Variants in UGGT1 observed in about 807,000 individuals in gnomAD.
UGGT1 encodes UDP-glucose:glycoprotein glucosyltransferase 1.
In UGGT1, 107 loss-of-function variants were observed where a neutral mutation model predicts 203.9. The ratio of observed to expected loss-of-function variants is 0.52; its 90% confidence interval spans 0.45 to 0.62. The LOEUF (loss-of-function observed/expected upper bound fraction) is 0.62, where lower values mean the gene tolerates loss of function less well. Ranked by LOEUF, UGGT1 falls within the 20% of genes least tolerant of loss-of-function variation. The pLI, the probability that UGGT1 is intolerant of heterozygous loss-of-function variation, is 0.00. For synonymous variants in UGGT1, 628 were observed against 653.5 expected, an observed-to-expected ratio of 0.96 and a Z score of 0.59; for missense variants, 1,673 against 1,867.2, an observed-to-expected ratio of 0.90 and a Z score of 1.92.
chr2:128,113,405 T>A, intron 6 of UGGT1, 147 bp downstream of exon 6: 1 of 646,664 alleles, frequency 1.5e-6, no homozygotes, highest in Non-Finnish European at 2.4e-6. Context: ...TTGAGTCTAT[T>A]ATTTGCACAT....
At chr2:128,104,782 G>A (rs1400087104) in intron 3 of UGGT1, among the ~76,000 whole-genome samples, 1 of 152,140 alleles carries the variant, frequency 6.6e-6, no homozygotes, top group African/African-American at 2.4e-5. Context: ...AAGTAGCTGG[G>A]ATTACAGGCA....
chr2:128,189,806 T>C lies in UGGT1; in HGVS notation c.*64T>C. 4 of 1,585,592 alleles carry C rather than the reference T, an allele frequency of 2.5e-6. No individual in the cohort carries two copies. The highest frequency in any genetic ancestry group is 3.5e-6 in the Non-Finnish European group (4 of 1,159,004). On this transcript the variant is annotated 3_prime_UTR_variant, in exon 41 of 41. Transcript: ENST00000259253. ...CAGTTTTTATAATAAATGCTAGTTT[T>C]TTCTGATCTGTCTATACAACTGCTG...
At chr2:128,171,466 T>C in intron 28 of UGGT1, 182 bp downstream of exon 28, 1 of 598,276 alleles carries the variant, frequency 1.7e-6, no homozygotes, top group Non-Finnish European at 2.9e-6. Flanking sequence ...AGTGTGTTTG[T>C]AGCATTTAGG....
chr2:128,193,174 TCAAAAAAAAAAA>T lies in UGGT1; in HGVS notation c.*3433_*3444del, dbSNP rs1692352912. Reference sequence around the variant, plus strand: ...CCTGGCAATAGAGCGAGACTCCGTCTCAAAAAAAAAAAAAAAAAAAAAAAAAAAATTAAAACA... The same window carrying T: ...CCTGGCAATAGAGCGAGACTCCGTCTAAAAAAAAAAAAAAAAATTAAAACA... On this transcript the variant is annotated 3_prime_UTR_variant, in exon 41 of 41. Transcript: ENST00000259253. 1 of 28,072 alleles carries T rather than the reference TCAAAAAAAAAAA, an allele frequency of 3.6e-5. No homozygotes were observed. The highest frequency in any genetic ancestry group is 1.2e-3 in the East Asian group (1 of 864). 1.7% of individuals were successfully genotyped at this position (28,072 alleles called of 1,614,324 possible).
At chr2:128,151,799 A>T (rs960862597) in intron 18 of UGGT1, among the ~76,000 whole-genome samples, 2 of 152,136 alleles carry the variant, frequency 1.3e-5, no homozygotes, top group Non-Finnish European at 2.9e-5. Flanking sequence ...TGAGCCCTGG[A>T]GGTCAAGGCT....
chr2:128,179,663 T>C (rs1187041600), intron 34 of UGGT1, 123 bp from the exon 35 acceptor site: 2 of 738,780 alleles, frequency 2.7e-6, no homozygotes, highest in Non-Finnish European at 4.4e-6. Context: ...TCCCTCGGCC[T>C]AATTGAGCCA....
chr2:128,165,332 G>T (rs1690734328), intron 26 of UGGT1, among the ~76,000 whole-genome samples: 1 of 152,184 alleles, frequency 6.6e-6, no homozygotes. Context: ...GGTAGAGGCT[G>T]CAGTGAGCCA....
At chr2:128,113,011 CT>C in intron 5 of UGGT1, 72 bp from the exon 6 acceptor site, 2 of 1,322,094 alleles carry the variant, frequency 1.5e-6, no homozygotes, top group Non-Finnish European at 2.0e-6. Flanking sequence ...CATAACTGTA[CT>C]TTATATTTTG....
chr2:128,149,535 G>A (rs1689848864), intron 18 of UGGT1, among the ~76,000 whole-genome samples: 2 of 151,224 alleles, frequency 1.3e-5, no homozygotes, highest in African/African-American at 4.8e-5. Context: ...GGAAACCGAG[G>A]TGGGCGGATC....
At chr2:128,122,235 T>C (rs7601417) in intron 10 of UGGT1, among the ~76,000 whole-genome samples, 136,627 of 151,638 alleles carry the variant, frequency 0.9, 62,291 homozygotes, top group Non-Finnish European at 0.98. Flanking sequence ...TGTCTGGTGC[T>C]CAAAAGGGGG....
chr2:128,186,866 AT>A, intron 39 of UGGT1, 67 bp downstream of exon 39: 1 of 1,135,384 alleles, frequency 8.8e-7, no homozygotes, highest in Non-Finnish European at 1.3e-6. Flanking sequence ...ACGATTAATG[AT>A]TTTTATTTAG....
intron 18 of UGGT1, among the ~76,000 whole-genome samples, chr2:128,146,715 C>G (rs1689706127): frequency 6.6e-6 from 1 of 152,092 alleles, no homozygotes; most frequent in Admixed American, 6.6e-5. Context: ...CAAAAGAAAC[C>G]CCACATCCAG....
At chr2:128,091,476 A>G in intron 1 of UGGT1, 61 bp downstream of exon 1, 3 of 1,537,224 alleles carry the variant, frequency 2.0e-6, no homozygotes, top group Non-Finnish European at 2.6e-6. Context: ...GCACAAGGCG[A>G]CCCTGTGCCC....
At chr2:128,167,383 A>C (rs2104767476) in intron 26 of UGGT1, among the ~76,000 whole-genome samples, 1 of 152,334 alleles carries the variant, frequency 6.6e-6, no homozygotes, top group South Asian at 2.1e-4. Flanking sequence ...TGTTTATTAC[A>C]TTTAACTCAG....
In UGGT1 at chr2:128,157,293, G is replaced by C. The variant is rs777834246; in HGVS notation, c.2302G>C (p.Asp768His). The change falls in exon 22 of 41, where the codon GAT becomes CAT. Residue 768 changes from aspartate to histidine, a missense_variant. By Grantham distance (81) the Asp-to-His change is moderately conservative. This residue lies in a region of UGGT1 where 1,073 missense variants were observed against 1,078.7 expected (regional missense o/e 0.99). Coordinates refer to ENST00000259253, the MANE Select transcript of UGGT1 (RefSeq NM_020120.4). The stretch of plus-strand genomic sequence containing the variant: ...GCCAGTAACTTTTTGGATTGTTGGG[G>C]ATTTTGATAGCCCTTCTGGACGGCA... ...IRPVTFWIVGDFDSPSGRQLL... is the reference protein window; with the variant it reads ...IRPVTFWIVGHFDSPSGRQLL... 1.2e-6 allele frequency: 2 copies of C among 1,614,140 alleles called. No individual in the cohort carries two copies. The highest frequency in any genetic ancestry group is 1.7e-6 in the Non-Finnish European group (2 of 1,180,020).
At chr2:128,178,638 A>T in intron 34 of UGGT1, 69 bp downstream of exon 34, 1 of 1,399,802 alleles carries the variant, frequency 7.1e-7, no homozygotes, top group Non-Finnish European at 9.9e-7. Flanking sequence ...TAGAGAGGAA[A>T]GGTTTTGTGG....
intron 1 of UGGT1, among the ~76,000 whole-genome samples, chr2:128,091,765 C>T (rs1474630900): frequency 6.6e-6 from 1 of 152,098 alleles, no homozygotes; most frequent in Non-Finnish European, 1.5e-5. Context: ...TTTGCAGGAC[C>T]CTGATTGCAG....
rs1686839545 is a variant in UGGT1, at chr2:128,091,238, A to G, written c.-120A>G. The G allele has an allele frequency of 8.7e-7, 1 of 1,151,846 alleles. No homozygotes were observed. Among genetic ancestry groups the G allele is most frequent in the East Asian group, 3.0e-5 (1 of 33,646 alleles). The allele number at this position is 1,151,846 out of a possible 1,614,324, so 71.4% of individuals were successfully genotyped here. Reference sequence around the variant, plus strand: ...CTTTGCGAGGCTGGGTGTTGAGTCGAGCCGCGGGAAAGGCGCGTGTCGGCC... The same window carrying G: ...CTTTGCGAGGCTGGGTGTTGAGTCGGGCCGCGGGAAAGGCGCGTGTCGGCC... On this transcript the variant is annotated 5_prime_UTR_variant, in exon 1 of 41. Coordinates refer to ENST00000259253, the MANE Select transcript of UGGT1 (RefSeq NM_020120.4).
At chr2:128,179,752 A>C in intron 34 of UGGT1, 34 bp from the exon 35 acceptor site, 1 of 1,551,706 alleles carries the variant, frequency 6.4e-7, no homozygotes, top group Non-Finnish European at 8.9e-7. Context: ...TAACATTGGA[A>C]AGCTGTTATT....
Sources: allele counts gnomAD v4.1 joint callset (sites outside exome capture counted in the v4.1 genomes callset), GRCh38; gene constraint gnomAD v4.1.1; regional missense constraint gnomAD v4.1.1; transcripts MANE v1.5; gene names NCBI Gene and HGNC (gene_info 2026-07-23, HGNC 2026-07-21).